The following TTLL10 variants were observed in gnomAD, a reference collection of about 807,000 sequenced individuals.
TTLL10 encodes the protein tubulin tyrosine ligase like 10.
In TTLL10, 61 loss-of-function variants were observed where a neutral mutation model predicts 69.0. The ratio of observed to expected loss-of-function variants is 0.88; its 90% CI spans 0.72 to 1.09. The LOEUF is 1.09. Ranked by LOEUF, TTLL10 falls within the 50% of genes least tolerant of loss-of-function variation. The probability of loss-of-function intolerance (pLI) is 0.00; values close to 1 mark genes in which losing one functional copy is unlikely to be tolerated. For missense variants in TTLL10, 962 were observed against 945.9 expected (o/e 1.02, Z -0.22); for synonymous variants, 408 against 393.3 (o/e 1.04, Z -0.44).
chr1:1,185,767 C>A lies in TTLL10; in HGVS notation c.1401+658C>A. 1.0e-6 allele frequency: 1 copy of A among 985,488 alleles called. No homozygotes were observed. 61.0% of individuals were successfully genotyped at this position (985,488 alleles called of 1,614,324 possible). A position where few individuals can be genotyped will look rare whatever the true frequency, so the allele number is the denominator to read the frequency against. Reference sequence around the variant, plus strand: ...CAGGCGTGTGTCACTGTGGCTGGGACGGCAGCGCTCAGAGGAGCCTCCAGT... The same window carrying A: ...CAGGCGTGTGTCACTGTGGCTGGGAAGGCAGCGCTCAGAGGAGCCTCCAGT... On this transcript the variant is annotated intron_variant, in intron 13 of 15. Coordinates refer to ENST00000379289, the MANE Select transcript of TTLL10 (RefSeq NM_001130045.2). The surrounding 1 kb of genome is among the most constrained non-coding windows in gnomAD (Gnocchi z 6.1).
rs968533139 is a variant in TTLL10, at chr1:1,193,185, C to T, written c.1402-3415C>T. Among the ~76,000 whole-genome samples, 7 of 151,960 alleles carry T rather than the reference C, an allele frequency of 4.6e-5. No homozygotes were observed. In the South Asian group the frequency reaches 6.2e-4, roughly 14 times the overall value. ...CTAAAAATACAAAACATTAGCCAGG[C>T]GTGGTGGTGAGCAACTGTAGTCCCA... On this transcript the variant is annotated intron_variant, in intron 13 of 15. Coordinates refer to ENST00000379289, the MANE Select transcript of TTLL10 (RefSeq NM_001130045.2).
rs1336882922 is a variant in TTLL10, at chr1:1,180,313, A to G, written c.479A>G (p.Tyr160Cys). The G allele has an allele frequency of 9.5e-6, 15 of 1,583,092 alleles. No homozygotes were observed. Among genetic ancestry groups the G allele is most frequent in the Non-Finnish European group, 1.2e-5 (14 of 1,165,496 alleles). ...AGCACCCGGCCGGGGCCCTTCTTCT[A>G]CATTGGAGGCAGCAACGGGGCCACA... ...PHSTRPGPFF[Y>C]IGGSNGATII... Residue 160 changes from tyrosine to cysteine, a missense_variant, in exon 6 of 16, where the codon TAC (tyrosine) becomes TGC (cysteine). Coordinates refer to ENST00000379289, the MANE Select transcript of TTLL10 (RefSeq NM_001130045.2).
chr1:1,197,282 C>T, intron 15 of TTLL10, 96 bp downstream of exon 15: 1 of 1,332,530 alleles, frequency 7.5e-7, no homozygotes, highest in Admixed American at 2.0e-5. Flanking sequence ...ACAGATGGGG[C>T]TCTTCCACCT....
At chr1:1,195,795 A>G (rs1570443744) in intron 13 of TTLL10, among the ~76,000 whole-genome samples, 1 of 151,456 alleles carries the variant, frequency 6.6e-6, no homozygotes, top group African/African-American at 2.4e-5. Context: ...ATACACCACC[A>G]CGCTTAGCTA....
At chr1:1,189,046 T>C (rs776382270) in intron 13 of TTLL10, among the ~76,000 whole-genome samples, 2 of 152,252 alleles carry the variant, frequency 1.3e-5, no homozygotes, top group Admixed American at 6.5e-5. Context: ...GCTCCGTGTG[T>C]GTGTGCACTC....
At position 1,184,019 on chromosome 1, in the gene TTLL10, C is replaced by T. The variant is rs112690643; in HGVS notation, c.1188C>T (p.His396=). 1.5e-3 allele frequency: 2,396 copies of T among 1,614,184 alleles called. 26 individuals carry two copies. In the African/African-American group the frequency reaches 0.025, roughly 17 times the overall value. ...CTTPYMIFFG[H]GYARLTLSLY... ...CACCCTACATGATCTTCTTTGGCCA[C>T]GGCTATGCTCGCCTCACCCTTAGCC... Residue 396 remains histidine (H), a synonymous_variant, in exon 12 of 16, where the codon CAC becomes CAT. Transcript: ENST00000379289.
At chr1:1,195,700 C>CA (rs1264316679) in intron 13 of TTLL10, among the ~76,000 whole-genome samples, 1 of 151,700 alleles carries the variant, frequency 6.6e-6, no homozygotes, top group Non-Finnish European at 1.5e-5. Context: ...AGTGCAGTGG[C>CA]ACAATCTCAG....
At chr1:1,178,493 A>G (rs190901935) in intron 3 of TTLL10, among the ~76,000 whole-genome samples, 45 of 151,886 alleles carry the variant, frequency 3.0e-4, no homozygotes, top group African/African-American at 8.9e-4. Flanking sequence ...CCTGGGAGGC[A>G]GAGGTTGCAG....
chr1:1,188,780 C>T (rs1451756595), intron 13 of TTLL10, among the ~76,000 whole-genome samples: 2 of 152,180 alleles, frequency 1.3e-5, no homozygotes, highest in Non-Finnish European at 2.9e-5. Context: ...ATTTAGTCTT[C>T]CGATCCATGA....
At chr1:1,184,213 T>C in intron 12 of TTLL10, 122 bp downstream of exon 12, 1 of 1,399,820 alleles carries the variant, frequency 7.1e-7, no homozygotes, top group Non-Finnish European at 9.8e-7. Flanking sequence ...GGCCGGGAGG[T>C]GTCTCAGGCC....
In TTLL10 at chr1:1,181,009, A is replaced by G; in HGVS notation, c.755+149A>G. 1.7e-6 allele frequency: 1 copy of G among 592,982 alleles called. No homozygotes were observed. The highest frequency in any genetic ancestry group is 2.5e-6 in the Non-Finnish European group (1 of 396,480). The allele number at this position is 592,982 out of a possible 1,614,324, so 36.7% of individuals were successfully genotyped here. A position where few individuals can be genotyped will look rare whatever the true frequency, so the allele number is the denominator to read the frequency against. On this transcript the variant is annotated intron_variant, in intron 8 of 15. Coordinates refer to ENST00000379289, the MANE Select transcript of TTLL10 (RefSeq NM_001130045.2). The surrounding 1 kb of genome is among the most constrained non-coding windows in gnomAD (Gnocchi z 4.6). ...CCACCCAGGCTCCCAGGCTGGCTCC[A>G]GCCCCTGCCCCTGCCCTTGCCCCTG...
Position 1,179,298 on chromosome 1 carries a change from C to CAAGGAT in TTLL10, c.84_89dup (p.Arg29_Ile30dup). 1 of 1,551,316 alleles carries CAAGGAT rather than the reference C, an allele frequency of 6.4e-7. No individual in the cohort carries two copies. Among genetic ancestry groups the CAAGGAT allele is most frequent in the Non-Finnish European group, 8.7e-7 (1 of 1,146,856 alleles). ...GCCGGCTTCAAGAGGGGCAAGAGGC[C>CAAGGAT]AAGGATCCAGCAGAGGCCTCGGGCT... On this transcript the variant is annotated inframe_insertion, in exon 4 of 16. Transcript: ENST00000379289.
At chr1:1,189,287 C>G (rs1261914034) in intron 13 of TTLL10, among the ~76,000 whole-genome samples, 1 of 152,130 alleles carries the variant, frequency 6.6e-6, no homozygotes, top group Non-Finnish European at 1.5e-5. Flanking sequence ...CCTTCTGTTC[C>G]TAATTGGTTA....
chr1:1,190,044 G>A (rs1225409325), intron 13 of TTLL10, among the ~76,000 whole-genome samples: 1 of 151,224 alleles, frequency 6.6e-6, no homozygotes, highest in Non-Finnish European at 1.5e-5. Flanking sequence ...CCCGGGAGGC[G>A]GAGCTTGCAG....
At position 1,182,362 on chromosome 1, in the gene TTLL10, G is replaced by T. The variant is rs768238957; in HGVS notation, c.832G>T (p.Val278Phe). 1.2e-6 allele frequency: 2 copies of T among 1,613,804 alleles called. No individual in the cohort carries two copies. Among genetic ancestry groups the T allele is most frequent in the Admixed American group, 1.7e-5 (1 of 60,032 alleles). ...TSPGYLRPQR[V>F]LRMEEFFPET... ...TCCTCCTGCCTCCCTGCCCTGCAGGGTCCTGAGAATGGAAGAGTTTTTCCC... is the reference window on the plus strand; with the variant it reads ...TCCTCCTGCCTCCCTGCCCTGCAGGTTCCTGAGAATGGAAGAGTTTTTCCC... Residue 278 changes from valine (V) to phenylalanine (F), a missense_variant and splice_region_variant, in exon 10 of 16, where the codon GTC becomes TTC. Val to Phe is a conservative substitution (Grantham distance 50). Coordinates refer to ENST00000379289, the MANE Select transcript of TTLL10 (RefSeq NM_001130045.2).
At position 1,180,869 on chromosome 1, in the gene TTLL10, G is replaced by A; in HGVS notation, c.755+9G>A. The A allele has an allele frequency of 6.5e-7, 1 of 1,547,214 alleles. No individual in the cohort carries two copies. The highest frequency in any genetic ancestry group is 8.7e-7 in the Non-Finnish European group (1 of 1,145,434). On this transcript the variant is annotated intron_variant, in intron 8 of 15. Transcript: ENST00000379289. ...GGGGGGGTCCAGGCCAGGTGAGTCT[G>A]CCCCTGCCCCTGCCCCCGTCCCTGC...
chr1:1,181,896 G>C lies in TTLL10; in HGVS notation c.830+81G>C. 6 of 1,358,172 alleles carry C rather than the reference G, an allele frequency of 4.4e-6. No individual in the cohort carries two copies. The highest frequency in any genetic ancestry group is 4.1e-6 in the Non-Finnish European group (4 of 978,848). The allele number at this position is 1,358,172 out of a possible 1,614,324, so 84.1% of individuals were successfully genotyped here. A position where few individuals can be genotyped will look rare whatever the true frequency, so the allele number is the denominator to read the frequency against. On this transcript the variant is annotated intron_variant, in intron 9 of 15. Coordinates refer to ENST00000379289, the MANE Select transcript of TTLL10 (RefSeq NM_001130045.2). This position sits in a 1 kb window ranked among gnomAD's most constrained non-coding sequence, Gnocchi z 4.6. ...GGTGTCGTCTGAAAAGGAGAAAGCG[G>C]GGCGGGGGTCCCACACAAAGGAAAA...
chr1:1,185,744 G>T lies in TTLL10; in HGVS notation c.1401+635G>T, dbSNP rs1647270354. The T allele has an allele frequency of 2.0e-6, 2 of 985,532 alleles. No individual in the cohort carries two copies. The highest frequency in any genetic ancestry group is 2.4e-6 in the Non-Finnish European group (2 of 829,992). 61.0% of individuals were successfully genotyped at this position (985,532 alleles called of 1,614,324 possible). On this transcript the variant is annotated intron_variant, in intron 13 of 15. Transcript: ENST00000379289. The surrounding 1 kb of genome is among the most constrained non-coding windows in gnomAD (Gnocchi z 6.1). ...CAGGGATGGTCCTTCCTCACCCACA[G>T]GCGTGTGTCACTGTGGCTGGGACGG...
intron 13 of TTLL10, among the ~76,000 whole-genome samples, chr1:1,186,280 G>A (rs1647311944): frequency 6.6e-6 from 1 of 152,046 alleles, no homozygotes; most frequent in African/African-American, 2.4e-5. Flanking sequence ...GTAGAGATGG[G>A]GTTTTGCCGT....
Sources: gnomAD v4.1 joint callset for allele counts (sites outside exome capture counted in the v4.1 genomes callset) on GRCh38, gnomAD v4.1.1 for gene constraint, Gnocchi (gnomAD v3.1) non-coding constraint, MANE v1.5 for transcripts, NCBI Gene and HGNC (gene_info 2026-07-23, HGNC 2026-07-21) for gene names.